PAK5: variants seen among roughly 807,000 people sequenced by gnomAD.
The protein encoded by PAK5 is serine/threonine-protein kinase PAK 5.
In PAK5, 16 loss-of-function variants were observed where a neutral mutation model predicts 65.9. The observed-to-expected ratio is 0.24, with a 90% CI of 0.16 to 0.37. The LOEUF is 0.37. Among genes scored for constraint, PAK5 ranks in the 10% least tolerant of loss-of-function variants. PAK5 has a pLI of 1.00. For missense variants in PAK5, 785 were observed against 903.9 expected (o/e 0.87, Z 1.69); for synonymous variants, 371 against 354.9 (o/e 1.05, Z -0.51).
chr20:9,747,462 C>T (rs1182702883), intron 1 of PAK5, among the ~76,000 whole-genome samples: 1 of 151,542 alleles, frequency 6.6e-6, no homozygotes, highest in African/African-American at 2.4e-5. Flanking sequence ...CCGAATCCAG[C>T]AGCACATCAA....
At chr20:9,659,229 T>C in intron 2 of PAK5, among the ~76,000 whole-genome samples, 1 of 152,346 alleles carries the variant, frequency 6.6e-6, no homozygotes, top group Non-Finnish European at 1.5e-5. Context: ...CATCAGAGCC[T>C]GCTTTCTTTC....
At chr20:9,741,592 A>G (rs905211015) in intron 1 of PAK5, among the ~76,000 whole-genome samples, 2 of 152,156 alleles carry the variant, frequency 1.3e-5, no homozygotes, top group Non-Finnish European at 2.9e-5. Flanking sequence ...TTTTTCATCT[A>G]TAAATTAAAG....
intron 3 of PAK5, among the ~76,000 whole-genome samples, chr20:9,624,799 T>A (rs1335027715): frequency 6.6e-6 from 1 of 152,084 alleles, no homozygotes; most frequent in Non-Finnish European, 1.5e-5. Flanking sequence ...GGATAATACC[T>A]ACCTCACAGG....
chr20:9,806,079 C>T (rs915514216), intron 1 of PAK5, among the ~76,000 whole-genome samples: 1 of 152,158 alleles, frequency 6.6e-6, no homozygotes, highest in Non-Finnish European at 1.5e-5. Context: ...ATTCTTGTGC[C>T]TCAGCCTCCC....
intron 9 of PAK5, among the ~76,000 whole-genome samples, chr20:9,541,275 ATAG>A (rs1329127370): frequency 2.0e-5 from 3 of 152,150 alleles, no homozygotes; most frequent in Non-Finnish European, 4.4e-5. Flanking sequence ...GCCAGTGTTT[ATAG>A]TAGTAGTCCT....
intron 2 of PAK5, among the ~76,000 whole-genome samples, chr20:9,703,117 C>T (rs1193145661): frequency 6.6e-6 from 1 of 152,160 alleles, no homozygotes; most frequent in Non-Finnish European, 1.5e-5. Context: ...TTTATTGAGA[C>T]TGTCAAAGAA....
In PAK5 at chr20:9,566,059, A is replaced by AC; in HGVS notation, c.1315dup (p.Val439GlyfsTer56). 6.2e-7 allele frequency: 1 copy of AC among 1,613,802 alleles called. No individual in the cohort carries two copies. Among genetic ancestry groups the AC allele is most frequent in the Non-Finnish European group, 8.5e-7 (1 of 1,179,952 alleles). On this transcript the variant is annotated frameshift_variant, in exon 5 of 10. Transcript: ENST00000353224. LOFTEE classifies it high-confidence loss of function. ...TTCCCTGGGGTCTCCTGGGCTGACC[A>AC]CCAGCTGCAGGGCCGCCCGAAACTG... is the stretch of plus-strand genomic sequence containing the variant.
intron 1 of PAK5, among the ~76,000 whole-genome samples, chr20:9,785,647 T>C (rs370670240): frequency 2.0e-5 from 3 of 152,118 alleles, no homozygotes; most frequent in African/African-American, 7.2e-5. Flanking sequence ...AAGATTACCA[T>C]CTTAGAGGGG....
chr20:9,775,705 T>A (rs2048880476), intron 1 of PAK5, among the ~76,000 whole-genome samples: 1 of 152,210 alleles, frequency 6.6e-6, no homozygotes, highest in Admixed American at 6.5e-5. Context: ...AGCATAAATC[T>A]TGAACAAGTA....
chr20:9,833,085 T>C (rs1978855681), intron 1 of PAK5, among the ~76,000 whole-genome samples: 1 of 152,250 alleles, frequency 6.6e-6, no homozygotes, highest in Non-Finnish European at 1.5e-5. Flanking sequence ...TATTTTATTC[T>C]AGCTTTGTTT....
intron 2 of PAK5, among the ~76,000 whole-genome samples, chr20:9,703,531 TG>T (rs1234959413): frequency 6.6e-6 from 1 of 152,108 alleles, no homozygotes; most frequent in Non-Finnish European, 1.5e-5. Context: ...TGGAAGTTAT[TG>T]GGGGAGGGTG....
chr20:9,602,710 C>A (rs1194190658), intron 3 of PAK5, among the ~76,000 whole-genome samples: 1 of 152,152 alleles, frequency 6.6e-6, no homozygotes, highest in East Asian at 1.9e-4. Context: ...TCAAACGTGA[C>A]CACAGCATCT....
chr20:9,702,016 A>G (rs2123464161), intron 2 of PAK5, among the ~76,000 whole-genome samples: 1 of 152,246 alleles, frequency 6.6e-6, no homozygotes, highest in African/African-American at 2.4e-5. Flanking sequence ...TTTAAAAAGA[A>G]GTAATAAGTT....
chr20:9,739,655 G>C (rs1480273036), intron 1 of PAK5, among the ~76,000 whole-genome samples: 1 of 151,908 alleles, frequency 6.6e-6, no homozygotes, highest in Non-Finnish European at 1.5e-5. Context: ...TTTTTCTCAG[G>C]GGTCAGATTA....
intron 3 of PAK5, among the ~76,000 whole-genome samples, chr20:9,639,778 A>C (rs1180614336): frequency 2.6e-5 from 4 of 152,240 alleles, no homozygotes; most frequent in African/African-American, 9.6e-5. Flanking sequence ...ATCTTGCTCC[A>C]ACTCTCAGTG....
chr20:9,552,840 G>C (rs1032512180), intron 7 of PAK5, among the ~76,000 whole-genome samples: 2 of 151,620 alleles, frequency 1.3e-5, no homozygotes, highest in African/African-American at 4.8e-5. Flanking sequence ...TCCTGCCTCA[G>C]CCTCCAGGGT....
chr20:9,551,271 G>A (rs1003213887), intron 7 of PAK5, among the ~76,000 whole-genome samples: 2 of 152,186 alleles, frequency 1.3e-5, no homozygotes, highest in African/African-American at 4.8e-5. Context: ...CTTACTTTGG[G>A]TAGAATTGTG....
chr20:9,797,557 A>T (rs1207220993), intron 1 of PAK5, among the ~76,000 whole-genome samples: 1 of 151,584 alleles, frequency 6.6e-6, no homozygotes, highest in African/African-American at 2.4e-5. Context: ...ATGACGAGTT[A>T]ATGGGTGCAG....
At chr20:9,686,347 C>A (rs2047718921) in intron 2 of PAK5, among the ~76,000 whole-genome samples, 1 of 152,124 alleles carries the variant, frequency 6.6e-6, no homozygotes, top group Non-Finnish European at 1.5e-5. Context: ...CAGGAGGAGA[C>A]ACAGGCCAGG....
Sources: allele counts gnomAD v4.1 joint callset (sites outside exome capture counted in the v4.1 genomes callset), GRCh38; gene constraint gnomAD v4.1.1; transcripts MANE v1.5; gene names NCBI Gene and HGNC (gene_info 2026-07-23, HGNC 2026-07-21).